ARHGAP6: variants seen among roughly 807,000 people sequenced by gnomAD.
ARHGAP6 encodes the protein Rho GTPase activating protein 6, also known as rho GTPase-activating protein 6.
ARHGAP6 carries 16 observed loss-of-function variants against 55.7 expected under a neutral mutation model. The ratio of observed to expected loss-of-function variants is 0.29; its 90% CI spans 0.19 to 0.44. ARHGAP6 has a LOEUF of 0.44. ARHGAP6 is among the 20% of genes least tolerant of loss of function. ARHGAP6 has a pLI of 1.00. For missense variants in ARHGAP6, 698 were observed against 808.9 expected (o/e 0.86, Z 1.66); for synonymous variants, 382 against 360.9 (o/e 1.06, Z -0.66).
At chrX:11,274,195 A>G (rs1370022372) in intron 1 of ARHGAP6, among the ~76,000 whole-genome samples, 2 of 111,974 alleles carry the variant, frequency 1.8e-5, no homozygotes, top group Non-Finnish European at 3.8e-5. Context: ...TTTCTTACAA[A>G]TATTCTAAAG....
rs369315650 is a variant in ARHGAP6 at position 11,172,828 on chromosome X, C to T, written c.1630-3144G>A. ...ATACGGCTGTGTCTAGGTAATACAA[C>T]GTACACTCGAGCCAGGCCATTACTT... is the stretch of plus-strand genomic sequence containing the variant. On this transcript the variant is annotated intron_variant, in intron 8 of 12. Transcript: ENST00000337414. 6.3e-4 allele frequency among the ~76,000 whole-genome samples: 70 copies of T among 111,775 alleles called. 1 individual carries two copies. The highest frequency in any genetic ancestry group is 1.9e-3 in the African/African-American group (59 of 30,785).
chrX:11,241,747 A>G (rs185176164), intron 2 of ARHGAP6, among the ~76,000 whole-genome samples: 18 of 112,040 alleles, frequency 1.6e-4, no homozygotes, highest in Admixed American at 5.7e-4. Context: ...TTTTGTTGGT[A>G]TAAGTCCCAG....
chrX:11,657,621 A>T (rs1431683834), intron 1 of ARHGAP6, among the ~76,000 whole-genome samples: 3 of 111,362 alleles, frequency 2.7e-5, no homozygotes, highest in Non-Finnish European at 3.8e-5. Context: ...CCATGAGCAG[A>T]TATCTAGGAA....
chrX:11,221,335 CT>C (rs923409067), intron 2 of ARHGAP6: 27 of 135,470 alleles, frequency 2.0e-4, no homozygotes, highest in East Asian at 8.7e-4. Context: ...CCTGATGTAA[CT>C]TTTTTTTTAC....
chrX:11,631,846 T>C (rs1820816633), intron 1 of ARHGAP6, among the ~76,000 whole-genome samples: 1 of 112,146 alleles, frequency 8.9e-6, no homozygotes, highest in South Asian at 3.7e-4. Flanking sequence ...TTGAATTTCA[T>C]GTCATTTTCA....
At chrX:11,482,796 C>A (rs921700830) in intron 1 of ARHGAP6, among the ~76,000 whole-genome samples, 3 of 111,421 alleles carry the variant, frequency 2.7e-5, no homozygotes, top group Admixed American at 9.4e-5. Context: ...TGTGAAGAAC[C>A]AGGAGTGCCC....
In ARHGAP6 at chrX:11,139,342, A is replaced by G. The variant is rs755683000; in HGVS notation, c.2446T>C (p.Ser816Pro). The G allele has an allele frequency of 3.4e-6, 4 of 1,178,580 alleles. No individual in the cohort carries two copies. In the East Asian group the frequency reaches 9.4e-5, roughly 28 times the overall value. ...ATEGRAHPAV[S>P]RACSTPHVQV... Reference sequence around the variant, plus strand: ...ACGTGGGGCGTGCTGCAGGCGCGCGACACCGCAGGGTGGGCCCTGCCCTCC... The same window carrying G: ...ACGTGGGGCGTGCTGCAGGCGCGCGGCACCGCAGGGTGGGCCCTGCCCTCC... The change falls in exon 13 of 13, where the codon TCG becomes CCG. Residue 816 changes from serine (S) to proline (P), a missense_variant. Coordinates refer to ENST00000337414, the MANE Select transcript of ARHGAP6 (RefSeq NM_013427.3).
chrX:11,489,047 T>C (rs1287956140), intron 1 of ARHGAP6, among the ~76,000 whole-genome samples: 1 of 112,301 alleles, frequency 8.9e-6, no homozygotes, highest in Non-Finnish European at 1.9e-5. Context: ...AACTGTTAAA[T>C]CCAGATAGTT....
At chrX:11,586,951 G>A (rs958515544) in intron 1 of ARHGAP6, among the ~76,000 whole-genome samples, 4 of 111,791 alleles carry the variant, frequency 3.6e-5, no homozygotes, top group African/African-American at 9.8e-5. Flanking sequence ...ATGGGAGTTC[G>A]TTACTGATTT....
At chrX:11,326,398 G>A in intron 1 of ARHGAP6, among the ~76,000 whole-genome samples, 1 of 111,399 alleles carries the variant, frequency 9.0e-6, no homozygotes, top group Non-Finnish European at 1.9e-5. Flanking sequence ...AAAGTGCTGG[G>A]ATTACAGGCG....
chrX:11,249,478 T>G (rs1302080717), intron 2 of ARHGAP6, among the ~76,000 whole-genome samples: 1 of 111,709 alleles, frequency 9.0e-6, no homozygotes. Context: ...TTGCACCCTG[T>G]TGCAACAATT....
chrX:11,472,218 C>T (rs776623059), intron 1 of ARHGAP6, among the ~76,000 whole-genome samples: 2 of 111,382 alleles, frequency 1.8e-5, no homozygotes, highest in East Asian at 2.8e-4. Context: ...CACTAGATGC[C>T]GGTAGCACCC....
At chrX:11,636,580 G>A (rs939690786) in intron 1 of ARHGAP6, among the ~76,000 whole-genome samples, 10 of 111,463 alleles carry the variant, frequency 9.0e-5, no homozygotes, top group African/African-American at 2.9e-4. Flanking sequence ...ATGACTTGGG[G>A]AAAAGGGTTA....
chrX:11,572,701 C>T, intron 1 of ARHGAP6, among the ~76,000 whole-genome samples: 1 of 111,927 alleles, frequency 8.9e-6, no homozygotes, highest in East Asian at 2.8e-4. Context: ...TGGGTATATA[C>T]CCAGTAATGG....
At chrX:11,491,667 T>A (rs2050570252) in intron 1 of ARHGAP6, among the ~76,000 whole-genome samples, 1 of 111,933 alleles carries the variant, frequency 8.9e-6, no homozygotes, top group South Asian at 3.7e-4. Flanking sequence ...AGAGCTGCAA[T>A]AAACATATGT....
chrX:11,199,366 C>G (rs1033341526), intron 2 of ARHGAP6, among the ~76,000 whole-genome samples: 1 of 111,808 alleles, frequency 8.9e-6, no homozygotes, highest in African/African-American at 3.3e-5. Flanking sequence ...GCTAGAGGTA[C>G]AAACTCTCTA....
intron 1 of ARHGAP6, among the ~76,000 whole-genome samples, chrX:11,471,617 T>C (rs1300239714): frequency 8.9e-6 from 1 of 112,403 alleles, no homozygotes; most frequent in African/African-American, 3.2e-5. Context: ...ATGAATCATA[T>C]CCTATTGCTG....
At chrX:11,277,848 A>G (rs1325328875) in intron 1 of ARHGAP6, among the ~76,000 whole-genome samples, 1 of 111,642 alleles carries the variant, frequency 9.0e-6, no homozygotes, top group Non-Finnish European at 1.9e-5. Flanking sequence ...TACAGTTCAG[A>G]GTTTAGTTCC....
intron 2 of ARHGAP6, among the ~76,000 whole-genome samples, chrX:11,246,382 G>A (rs941511298): frequency 8.9e-6 from 1 of 111,960 alleles, no homozygotes; most frequent in Non-Finnish European, 1.9e-5. Flanking sequence ...TGTTGAGGTT[G>A]TTTTAAAATC....
Sources: gnomAD v4.1 joint callset for allele counts (sites outside exome capture counted in the v4.1 genomes callset) on GRCh38, gnomAD v4.1.1 for gene constraint, MANE v1.5 for transcripts, NCBI Gene and HGNC (gene_info 2026-07-23, HGNC 2026-07-21) for gene names.